FAT4: variants seen among roughly 807,000 people sequenced by gnomAD.
The protein encoded by FAT4 is FAT atypical cadherin 4, also known as protocadherin Fat 4.
FAT4 carries 84 observed loss-of-function variants against 303.9 expected under a neutral mutation model. The ratio of observed to expected loss-of-function variants is 0.28; its 90% confidence interval spans 0.23 to 0.33. The LOEUF (loss-of-function observed/expected upper bound fraction) is 0.33. Among genes scored for constraint, FAT4 ranks in the 10% least tolerant of loss-of-function variants. The pLI is 1.00. For missense variants in FAT4, 6,005 were observed against 6,146.8 expected (o/e 0.98, Z 0.77); for synonymous variants, 2,307 against 2,298.8 (o/e 1.00, Z -0.10).
In FAT4 at chr4:125,491,508, C is replaced by T. The variant is rs749083638; in HGVS notation, c.14692C>T (p.Arg4898Cys). 5.6e-6 allele frequency: 9 copies of T among 1,613,988 alleles called. No homozygotes were observed. Among genetic ancestry groups the T allele is most frequent in the Non-Finnish European group, 7.6e-6 (9 of 1,180,030 alleles). Residue 4898 changes from arginine to cysteine, a missense_variant, in exon 18 of 18, where the codon CGC (arginine) becomes TGC (cysteine). Coordinates refer to ENST00000394329, the MANE Select transcript of FAT4 (RefSeq NM_001291303.3). Reference sequence around the variant, plus strand: ...ACTGAAGCCTCGAAGGTACCACGGTCGCAGGGCCGAGGGAGGACCTGTGGG... The same window carrying T: ...ACTGAAGCCTCGAAGGTACCACGGTTGCAGGGCCGAGGGAGGACCTGTGGG... ...ARLKPRRYHG[R>C]RAEGGPVGTQ...
chr4:125,397,108 T>C (rs1439284763), intron 2 of FAT4, among the ~76,000 whole-genome samples: 3 of 152,148 alleles, frequency 2.0e-5, no homozygotes, highest in African/African-American at 7.2e-5. Flanking sequence ...TCTCTGGCTC[T>C]AAGAAGCTTC....
intron 12 of FAT4, 54 bp from the exon 13 acceptor site, chr4:125,476,117 G>T: frequency 9.0e-7 from 1 of 1,106,890 alleles, no homozygotes; most frequent in Non-Finnish European, 1.3e-6. Flanking sequence ...GGCTGGAAAG[G>T]CTAATAGGGA....
At chr4:125,346,806 G>A (rs1560771674) in intron 2 of FAT4, among the ~76,000 whole-genome samples, 1 of 152,002 alleles carries the variant, frequency 6.6e-6, no homozygotes, top group Non-Finnish European at 1.5e-5. Context: ...CTCAATTTGG[G>A]AGGGGAACAT....
rs944198814 is a variant in FAT4 at position 125,484,469 on chromosome 4, T to C, written c.12822+2731T>C. 2.6e-4 allele frequency among the ~76,000 whole-genome samples: 40 copies of C among 152,282 alleles called. No individual in the cohort carries two copies. In the Middle Eastern group the frequency reaches 0.021, roughly 78 times the overall value. On this transcript the variant is annotated intron_variant, in intron 16 of 17. Coordinates refer to ENST00000394329, the MANE Select transcript of FAT4 (RefSeq NM_001291303.3). ...ATCAGTTCTTTTGTGTTTGTCTGGT[T>C]TTTTTAAGTGGGCAACATAGGTGAT...
intron 14 of FAT4, among the ~76,000 whole-genome samples, chr4:125,478,369 C>G (rs1227559939): frequency 1.3e-5 from 2 of 152,124 alleles, no homozygotes; most frequent in South Asian, 4.1e-4. Context: ...TTTATATCTC[C>G]GTGTTCACAC....
intron 2 of FAT4, among the ~76,000 whole-genome samples, chr4:125,390,397 G>T (rs752877395): frequency 6.6e-6 from 1 of 152,066 alleles, no homozygotes; most frequent in East Asian, 1.9e-4. Flanking sequence ...TTCCTTTTCA[G>T]GGCCAAAGGA....
intron 3 of FAT4, among the ~76,000 whole-genome samples, chr4:125,401,439 C>T (rs1482502641): frequency 6.6e-6 from 1 of 151,870 alleles, no homozygotes; most frequent in Admixed American, 6.6e-5. Context: ...CAAATCCTGG[C>T]TCTGTTTTCT....
Position 125,415,687 on chromosome 4 carries a change from A to G in FAT4, c.6724A>G (p.Thr2242Ala). The G allele has an allele frequency of 1.9e-6, 3 of 1,613,870 alleles. No individual in the cohort carries two copies. Among genetic ancestry groups the G allele is most frequent in the Non-Finnish European group, 2.5e-6 (3 of 1,179,922 alleles). ...TDRGSTPRTD[T>A]STVSIVLLDI... Reference sequence around the variant, plus strand: ...TCGAGGCAGCACACCCAGAACTGATACCTCCACGGTCAGCATTGTTCTACT... The same window carrying G: ...TCGAGGCAGCACACCCAGAACTGATGCCTCCACGGTCAGCATTGTTCTACT... The change falls in exon 6 of 18, where the codon ACC becomes GCC. Residue 2242 changes from threonine (T) to alanine (A), a missense_variant. Transcript: ENST00000394329.
chr4:125,409,128 TA>T (rs1734744261), intron 5 of FAT4, among the ~76,000 whole-genome samples: 3 of 152,162 alleles, frequency 2.0e-5, no homozygotes, highest in Admixed American at 2.0e-4. Context: ...ATAAAAATAT[TA>T]GGTTTACATA....
chr4:125,352,256 C>T (rs1346643267), intron 2 of FAT4, among the ~76,000 whole-genome samples: 1 of 151,354 alleles, frequency 6.6e-6, no homozygotes, highest in Non-Finnish European at 1.5e-5. Context: ...TTTTTGGTCA[C>T]CTGGTGCTGT....
rs181633377 is a variant in FAT4 at position 125,409,959 on chromosome 4, C to A, written c.5920+1165C>A. Among the ~76,000 whole-genome samples the A allele has an allele frequency of 1.5e-3, 228 of 152,212 alleles. 1 individual carries two copies. The highest frequency in any genetic ancestry group is 2.4e-3 in the Non-Finnish European group (160 of 67,994). ...GCATATCTATCTCAATTTAGAATTGCCTTATTCTTATGACTTGGATGATTT... is the reference window on the plus strand; with the variant it reads ...GCATATCTATCTCAATTTAGAATTGACTTATTCTTATGACTTGGATGATTT... On this transcript the variant is annotated intron_variant, in intron 5 of 17. Transcript: ENST00000394329.
In FAT4 at chr4:125,448,944, A is replaced by T. The variant is rs1306266093; in HGVS notation, c.7934A>T (p.Asp2645Val). The change falls in exon 10 of 18, where the codon GAC becomes GTC. Residue 2645 changes from aspartate (D) to valine (V), a missense_variant. Physicochemically the swap from Asp to Val is radical, Grantham distance 152. Coordinates refer to ENST00000394329, the MANE Select transcript of FAT4 (RefSeq NM_001291303.3). ...QKYVVWIEARDGGFPPFSSYE... is the reference protein window; with the variant it reads ...QKYVVWIEARVGGFPPFSSYE... ...TATGTTGTATGGATAGAGGCCAGAG[A>T]CGGTGGTTTCCCTCCTTTCTCCTCT... 6.2e-7 allele frequency: 1 copy of T among 1,613,698 alleles called. No individual in the cohort carries two copies. Among genetic ancestry groups the T allele is most frequent in the Non-Finnish European group, 8.5e-7 (1 of 1,179,900 alleles).
chr4:125,398,088 C>T (rs1443274390), intron 2 of FAT4, among the ~76,000 whole-genome samples: 1 of 152,082 alleles, frequency 6.6e-6, no homozygotes, highest in Admixed American at 6.6e-5. Flanking sequence ...TTCACAAATC[C>T]TTTCTTCTAA....
Position 125,451,188 on chromosome 4 carries a change from T to C in FAT4, c.10178T>C (p.Val3393Ala). ...IRGADIDEVT[V>A]NVTVLDANDP... ...GGTGCAGATATAGATGAGGTCACTG[T>C]AAATGTCACCGTGCTTGATGCAAAT... The change falls in exon 10 of 18, where the codon GTA becomes GCA. Residue 3393 changes from valine (V) to alanine (A), a missense_variant. Val to Ala is a moderately conservative substitution (Grantham distance 64, BLOSUM62 0). Transcript: ENST00000394329. The C allele has an allele frequency of 1.2e-6, 2 of 1,614,136 alleles. No homozygotes were observed. The highest frequency in any genetic ancestry group is 8.5e-7 in the Non-Finnish European group (1 of 1,180,020).
chr4:125,463,584 T>C lies in FAT4; in HGVS notation c.11822T>C (p.Val3941Ala), dbSNP rs578140620. ...GYTGKMCESS[V>A]NYCECNPCFN... ...TTAGGGAAAATGTGTGAATCTTCAG[T>C]CAATTACTGTGAATGCAACCCCTGC... Residue 3941 changes from valine (V) to alanine (A), a missense_variant, in exon 11 of 18, where the codon GTC becomes GCC. Transcript: ENST00000394329. The C allele has an allele frequency of 5.0e-5, 79 of 1,589,616 alleles. No individual in the cohort carries two copies. The South Asian group carries it at 9.0e-4, about 18-fold the overall frequency.
At chr4:125,471,827 G>A (rs188437767) in intron 12 of FAT4, among the ~76,000 whole-genome samples, 103 of 144,826 alleles carry the variant, frequency 7.1e-4, no homozygotes, top group African/African-American at 2.5e-3. Context: ...CGAGGCGGGC[G>A]GATCACGAGG....
chr4:125,394,043 A>C, intron 2 of FAT4: 1 of 771,658 alleles, frequency 1.3e-6, no homozygotes, highest in Non-Finnish European at 2.4e-6. Context: ...ATTTCTTCTA[A>C]TTGTAGCAGA....
chr4:125,317,873 G>T lies in FAT4; in HGVS notation c.1462G>T (p.Ala488Ser). Residue 488 changes from alanine to serine, a missense_variant, in exon 2 of 18, where the codon GCG becomes TCG. Coordinates refer to ENST00000394329, the MANE Select transcript of FAT4 (RefSeq NM_001291303.3). This position sits in a 1 kb window ranked among gnomAD's most constrained non-coding sequence, Gnocchi z 7.0. ...GTACAGAGTGAACCTGAGCGAGGAGGCGCCTCCGGGAAGCTATGTGAGTGG... is the reference window on the plus strand; with the variant it reads ...GTACAGAGTGAACCTGAGCGAGGAGTCGCCTCCGGGAAGCTATGTGAGTGG... ...QVYRVNLSEE[A>S]PPGSYVSGIS... 6.2e-7 allele frequency: 1 copy of T among 1,614,172 alleles called. No individual in the cohort carries two copies. The highest frequency in any genetic ancestry group is 8.5e-7 in the Non-Finnish European group (1 of 1,180,024).
At chr4:125,380,177 G>T (rs1373790254) in intron 2 of FAT4, among the ~76,000 whole-genome samples, 1 of 152,194 alleles carries the variant, frequency 6.6e-6, no homozygotes, top group Non-Finnish European at 1.5e-5. Context: ...ACAGGCGTGA[G>T]CCACCGCGCC....
Sources: allele counts gnomAD v4.1 joint callset (sites outside exome capture counted in the v4.1 genomes callset), GRCh38; gene constraint gnomAD v4.1.1; non-coding constraint Gnocchi (gnomAD v3.1); transcripts MANE v1.5; gene names NCBI Gene and HGNC (gene_info 2026-07-23, HGNC 2026-07-21).